The following CSMD3 variants were observed in gnomAD, a reference collection of about 807,000 sequenced individuals.
The protein encoded by CSMD3 is CUB and Sushi multiple domains 3.
Under a neutral mutation model 435.2 loss-of-function variants are expected in CSMD3, and 177 were observed. That is an observed-to-expected ratio of 0.41 (90% CI 0.36 to 0.46). CSMD3 has a LOEUF of 0.46. Ranked by LOEUF, CSMD3 falls within the 20% of genes least tolerant of loss-of-function variation. CSMD3 has a pLI of 0.34. For synonymous variants in CSMD3, 1,656 were observed against 1,520.5 expected, an observed-to-expected ratio of 1.09 and a Z score of -2.07; for missense variants, 4,265 against 4,504.6, an observed-to-expected ratio of 0.95 and a Z score of 1.52.
At chr8:113,259,487 G>A (rs1160565098) in intron 3 of CSMD3, among the ~76,000 whole-genome samples, 1 of 152,056 alleles carries the variant, frequency 6.6e-6, no homozygotes, top group Non-Finnish European at 1.5e-5. Flanking sequence ...TATGTTCATG[G>A]AGATAGCTAA....
intron 10 of CSMD3, among the ~76,000 whole-genome samples, chr8:112,880,847 A>G (rs1320107248): frequency 1.3e-5 from 2 of 152,150 alleles, no homozygotes; most frequent in Admixed American, 6.6e-5. Context: ...AGAGAGTAAT[A>G]TGGTAAGCCT....
intron 31 of CSMD3, 114 bp downstream of exon 31, chr8:112,492,375 C>T (rs979382657): frequency 3.7e-5 from 31 of 828,622 alleles, no homozygotes; most frequent in East Asian, 5.2e-5. Flanking sequence ...ATTGCTAGTA[C>T]GACACTTGTA....
At chr8:113,255,533 A>G (rs1226587923) in intron 3 of CSMD3, among the ~76,000 whole-genome samples, 2 of 152,076 alleles carry the variant, frequency 1.3e-5, no homozygotes, top group Non-Finnish European at 2.9e-5. Context: ...TCATAAGCTG[A>G]AATGTTGCAA....
chr8:112,490,639 G>A (rs908803417), intron 31 of CSMD3, among the ~76,000 whole-genome samples: 1 of 151,822 alleles, frequency 6.6e-6, no homozygotes, highest in South Asian at 2.1e-4. Flanking sequence ...TGATATTTCT[G>A]CATCATGACT....
intron 4 of CSMD3, among the ~76,000 whole-genome samples, chr8:113,161,403 A>AAAT (rs1190562723): frequency 1.3e-5 from 2 of 152,138 alleles, no homozygotes; most frequent in African/African-American, 4.8e-5. Flanking sequence ...GAAAGGATGA[A>AAAT]AATCATAATA....
chr8:113,041,400 T>C (rs1587949342), intron 5 of CSMD3, among the ~76,000 whole-genome samples: 1 of 152,032 alleles, frequency 6.6e-6, no homozygotes, highest in South Asian at 2.1e-4. Context: ...CGCCTTGGGA[T>C]GTCATTGTGC....
At chr8:112,405,231 ATATATAT>A (rs1193821087) in intron 35 of CSMD3, among the ~76,000 whole-genome samples, 1 of 114,840 alleles carries the variant, frequency 8.7e-6, no homozygotes, top group Non-Finnish European at 1.7e-5. Flanking sequence ...ATATATATAT[ATATATAT>A]ATATATATAC....
chr8:112,629,637 A>G (rs148590979), intron 22 of CSMD3, among the ~76,000 whole-genome samples: 2 of 152,294 alleles, frequency 1.3e-5, no homozygotes, highest in East Asian at 3.9e-4. Flanking sequence ...GAAGACGCTA[A>G]AGCCAACTCA....
At chr8:112,791,212 A>AC (rs1231768863) in intron 13 of CSMD3, among the ~76,000 whole-genome samples, 1 of 150,796 alleles carries the variant, frequency 6.6e-6, no homozygotes, top group African/African-American at 2.4e-5. Context: ...TGTCCCAGCT[A>AC]CTCGGGAGGC....
intron 20 of CSMD3, among the ~76,000 whole-genome samples, chr8:112,644,079 A>T (rs991292360): frequency 4.6e-5 from 7 of 151,846 alleles, no homozygotes; most frequent in African/African-American, 1.7e-4. Context: ...CAGAGCTAAA[A>T]AAAAGTACTT....
intron 1 of CSMD3, among the ~76,000 whole-genome samples, chr8:113,359,501 G>A (rs146300876): frequency 2.3e-3 from 347 of 152,320 alleles, no homozygotes; most frequent in African/African-American, 7.9e-3. Context: ...AATGGGAAAT[G>A]GATTGGTTCT....
At chr8:112,638,049 G>T (rs1258702121) in intron 21 of CSMD3, among the ~76,000 whole-genome samples, 3 of 151,426 alleles carry the variant, frequency 2.0e-5, no homozygotes, top group Non-Finnish European at 4.4e-5. Context: ...ATTTTCTTTG[G>T]TCTCATACAA....
chr8:112,812,564 C>A (rs1458584221), intron 12 of CSMD3, among the ~76,000 whole-genome samples: 1 of 152,186 alleles, frequency 6.6e-6, no homozygotes, highest in African/African-American at 2.4e-5. Context: ...AATAAACTCA[C>A]TTCTGCTCTA....
chr8:112,813,415 G>C (rs1366661585), intron 12 of CSMD3, among the ~76,000 whole-genome samples: 1 of 152,114 alleles, frequency 6.6e-6, no homozygotes, highest in Non-Finnish European at 1.5e-5. Flanking sequence ...GCAACAGCAT[G>C]GCAAAAGAGA....
intron 13 of CSMD3, among the ~76,000 whole-genome samples, chr8:112,697,692 C>T (rs908597718): frequency 2.6e-5 from 4 of 151,766 alleles, no homozygotes; most frequent in Admixed American, 1.3e-4. Flanking sequence ...ACATATGTAA[C>T]AAACGTTGTG....
intron 1 of CSMD3, among the ~76,000 whole-genome samples, chr8:113,428,964 A>T (rs1403260095): frequency 6.6e-6 from 1 of 151,840 alleles, no homozygotes; most frequent in Non-Finnish European, 1.5e-5. Context: ...AAAAATTGCT[A>T]ACATCAAGCA....
intron 13 of CSMD3, among the ~76,000 whole-genome samples, chr8:112,742,908 C>A (rs2077343923): frequency 6.6e-6 from 1 of 151,984 alleles, no homozygotes; most frequent in African/African-American, 2.4e-5. Flanking sequence ...TGTATAGTCA[C>A]ACAGGGTCCA....
intron 66 of CSMD3, 141 bp downstream of exon 66, chr8:112,241,579 A>T: frequency 1.5e-6 from 1 of 653,860 alleles, no homozygotes; most frequent in Non-Finnish European, 2.7e-6. Context: ...TAAATTCAAC[A>T]TCTTGTGAAT....
intron 7 of CSMD3, among the ~76,000 whole-genome samples, chr8:112,958,390 C>G (rs959437365): frequency 1.3e-5 from 2 of 151,996 alleles, no homozygotes; most frequent in Non-Finnish European, 2.9e-5. Flanking sequence ...ACAAGAAAGG[C>G]CTGGCAGGGA....
Sources: gnomAD v4.1 joint callset for allele counts (sites outside exome capture counted in the v4.1 genomes callset) on GRCh38, gnomAD v4.1.1 for gene constraint, MANE v1.5 for transcripts, NCBI Gene and HGNC (gene_info 2026-07-23, HGNC 2026-07-21) for gene names.